FANCA: variants seen among roughly 807,000 people sequenced by gnomAD.
The protein encoded by FANCA is FA complementation group A.
Under a neutral mutation model 194.3 loss-of-function variants are expected in FANCA, and 236 were observed. The ratio of observed to expected loss-of-function variants is 1.21; its 90% CI spans 1.09 to 1.35. The LOEUF (loss-of-function observed/expected upper bound fraction) is 1.35. Ranked by LOEUF, FANCA falls within the 40% of genes most tolerant of loss-of-function variation. The pLI, the probability that FANCA is intolerant of heterozygous loss-of-function variation, is 0.00. For synonymous variants in FANCA, 1,014 were observed against 715.8 expected (o/e 1.42, Z -6.65); for missense variants, 2,628 against 1,813.9 (o/e 1.45, Z -8.15).
intron 3 of FANCA, among the ~76,000 whole-genome samples, chr16:89,812,728 C>T (rs964220143): frequency 6.7e-6 from 1 of 148,364 alleles, no homozygotes; most frequent in Non-Finnish European, 1.5e-5. Flanking sequence ...AACACATTAT[C>T]AATACATAAG....
chr16:89,816,275 G>C (rs529777714), intron 1 of FANCA: 374 of 272,508 alleles, frequency 1.4e-3, no homozygotes, highest in Non-Finnish European at 2.1e-3. Flanking sequence ...AGGCCCGCCT[G>C]ACAGGGCGGC....
In FANCA at chr16:89,792,553, G is replaced by A. The variant is rs770125368; in HGVS notation, c.1007-6C>T. Reference sequence around the variant, plus strand: ...CATCTGAACAGCATCAGATGCTGCAGGGGGAGAAACAGACAAAAACTTCAA... The same window carrying A: ...CATCTGAACAGCATCAGATGCTGCAAGGGGAGAAACAGACAAAAACTTCAA... On this transcript the variant is annotated splice_region_variant and splice_polypyrimidine_tract_variant and intron_variant, in intron 11 of 42. Transcript: ENST00000389301. 12 of 1,612,396 alleles carry A rather than the reference G, an allele frequency of 7.4e-6. No homozygotes were observed. In the African/African-American group the frequency reaches 1.2e-4, roughly 16 times the overall value.
At position 89,752,179 on chromosome 16, in the gene FANCA, CA is replaced by C; in HGVS notation, c.3024del (p.Phe1008LeufsTer18). The C allele has an allele frequency of 6.2e-7, 1 of 1,614,176 alleles. No individual in the cohort carries two copies. Among genetic ancestry groups the C allele is most frequent in the Non-Finnish European group, 8.5e-7 (1 of 1,180,018 alleles). On this transcript the variant is annotated frameshift_variant, in exon 31 of 43. Coordinates refer to ENST00000389301, the MANE Select transcript of FANCA (RefSeq NM_000135.4). LOFTEE classifies it high-confidence loss of function. ...ATATCCTCATTTCCTGTGCGGCCAC[CA>C]AAGACCAAATCAGAATTTTCTGAGT... is the stretch of plus-strand genomic sequence containing the variant. The part of the protein sequence containing the change: ...YDHSENSDLV[F>X]GGRTGNEDII...
intron 3 of FANCA, among the ~76,000 whole-genome samples, chr16:89,812,748 T>C (rs1186796604): frequency 1.3e-5 from 2 of 150,448 alleles, no homozygotes; most frequent in South Asian, 2.1e-4. Flanking sequence ...GTAAAAACAT[T>C]TACAGGCTGG....
At chr16:89,755,026 C>A (rs1212873400) in intron 30 of FANCA, among the ~76,000 whole-genome samples, 1 of 152,164 alleles carries the variant, frequency 6.6e-6, no homozygotes, top group Non-Finnish European at 1.5e-5. Flanking sequence ...TGACGCAGTG[C>A]ATATGGACAT....
chr16:89,815,648 G>A (rs971605189), intron 2 of FANCA, among the ~76,000 whole-genome samples: 2 of 152,062 alleles, frequency 1.3e-5, no homozygotes, highest in Non-Finnish European at 2.9e-5. Flanking sequence ...GAGCCACGGC[G>A]CCCGGCCTGT....
chr16:89,805,294 C>T lies in FANCA; in HGVS notation c.695G>A (p.Arg232Lys), dbSNP rs886052487. ...CATGAACGCACCAGAAAGCATGGCC[C>T]TGGCGACGTCAGCATGCTGGCAGGA... ...EASCQHADVARAMLSDFVQMF... is the reference protein window; with the variant it reads ...EASCQHADVAKAMLSDFVQMF... The change falls in exon 7 of 43, where the codon AGG (arginine) becomes AAG (lysine). Residue 232 changes from arginine to lysine, a missense_variant. Physicochemically the swap from Arg to Lys is conservative, Grantham distance 26. Coordinates refer to ENST00000389301, the MANE Select transcript of FANCA (RefSeq NM_000135.4). 28 of 1,613,656 alleles carry T rather than the reference C, an allele frequency of 1.7e-5. No homozygotes were observed. The highest frequency in any genetic ancestry group is 3.3e-4 in the Middle Eastern group (2 of 6,084).
chr16:89,767,294 A>T (rs2039163490), intron 26 of FANCA, 57 bp from the exon 27 acceptor site: 1 of 1,235,434 alleles, frequency 8.1e-7, no homozygotes, highest in African/African-American at 1.5e-5. Context: ...GGGATGAAGG[A>T]AAAAGTTACT....
At position 89,775,723 on chromosome 16, in the gene FANCA, A is replaced by G; in HGVS notation, c.1900+19T>C. 6.2e-7 allele frequency: 1 copy of G among 1,602,406 alleles called. No individual in the cohort carries two copies. Among genetic ancestry groups the G allele is most frequent in the Non-Finnish European group, 8.5e-7 (1 of 1,172,106 alleles). On this transcript the variant is annotated intron_variant, in intron 21 of 42. Transcript: ENST00000389301. ...GAAAAGCACAAGTCCCAGAGTGGACAAGCGGCCCAGGAACTTACCTTCTGG... is the reference window on the plus strand; with the variant it reads ...GAAAAGCACAAGTCCCAGAGTGGACGAGCGGCCCAGGAACTTACCTTCTGG...
chr16:89,751,806 G>T (rs1393459841), intron 31 of FANCA, among the ~76,000 whole-genome samples: 5 of 149,356 alleles, frequency 3.3e-5, no homozygotes, highest in African/African-American at 1.2e-4. Flanking sequence ...TCACTCTGTC[G>T]CCCGCCCAGG....
chr16:89,782,066 T>C (rs1158830735), intron 17 of FANCA, among the ~76,000 whole-genome samples: 2 of 151,326 alleles, frequency 1.3e-5, no homozygotes, highest in African/African-American at 4.9e-5. Flanking sequence ...CATCTGACAT[T>C]TGGCTGCTAT....
At chr16:89,749,348 G>T (rs2038500800) in intron 32 of FANCA, among the ~76,000 whole-genome samples, 1 of 152,118 alleles carries the variant, frequency 6.6e-6, no homozygotes. Context: ...GAGTAGCTGG[G>T]ATTACAGGTG....
intron 17 of FANCA, among the ~76,000 whole-genome samples, chr16:89,780,207 C>T (rs920376927): frequency 6.6e-6 from 1 of 152,182 alleles, no homozygotes; most frequent in Non-Finnish European, 1.5e-5. Context: ...GATGTGCGGC[C>T]CTCCTCGAGA....
chr16:89,773,796 T>C (rs1192911374), intron 21 of FANCA, among the ~76,000 whole-genome samples: 2 of 148,286 alleles, frequency 1.3e-5, no homozygotes, highest in African/African-American at 5.0e-5. Context: ...TTTTTTGAGA[T>C]GGACTCTTGC....
In FANCA at chr16:89,808,310, G is replaced by A. The variant is rs1384166265; in HGVS notation, c.580C>T (p.Gln194Ter). 3 of 1,613,936 alleles carry A rather than the reference G, an allele frequency of 1.9e-6. No homozygotes were observed. Among genetic ancestry groups the A allele is most frequent in the Non-Finnish European group, 2.5e-6 (3 of 1,179,954 alleles). The change falls in exon 6 of 43, where the codon CAA (glutamine) becomes TAA (stop). Residue 194 changes from glutamine to a stop codon, truncating the protein, a stop_gained. Transcript: ENST00000389301. LOFTEE classifies it high-confidence loss of function. Reference sequence around the variant, plus strand: ...GCACGCTACCTTTCCAGCAGCTCTTGCAGGCTCACAATGCCTTGTACGTGA... The same window carrying A: ...GCACGCTACCTTTCCAGCAGCTCTTACAGGCTCACAATGCCTTGTACGTGA... Reference protein sequence around the residue: ...HLHVQGIVSLQELLESHPDMH... With the variant: ...HLHVQGIVSL
At chr16:89,799,014 C>T (rs901221322) in intron 10 of FANCA, 152 bp downstream of exon 10, 1 of 1,614,222 alleles carries the variant, frequency 6.2e-7, no homozygotes, top group Admixed American at 1.7e-5. Flanking sequence ...CCCATGGTCG[C>T]CTCCTCCTCA....
chr16:89,775,958 CAAAA>C, intron 20 of FANCA, 143 bp from the exon 21 acceptor site: 1 of 410,296 alleles, frequency 2.4e-6, no homozygotes, highest in Non-Finnish European at 4.3e-6. Flanking sequence ...CCTGTTTTTA[CAAAA>C]AAATATTAAA....
Position 89,773,315 on chromosome 16 carries a change from A to G in FANCA, c.1970T>C (p.Leu657Pro). The change falls in exon 22 of 43, where the codon CTG (leucine) becomes CCG (proline). Residue 657 changes from leucine (L) to proline (P), a missense_variant. Leu to Pro is a moderately conservative substitution (Grantham distance 98, BLOSUM62 -3). Coordinates refer to ENST00000389301, the MANE Select transcript of FANCA (RefSeq NM_000135.4). ...EEPLGQLTAA[L>P]GELRASMTDP... ...TGTCATGGAGGCTCTCAGCTCTCCC[A>G]GTGCAGCTGTGAGCTGTCCCAGGGG... is the stretch of plus-strand genomic sequence containing the variant. The G allele has an allele frequency of 6.4e-7, 1 of 1,551,600 alleles. No homozygotes were observed. Among genetic ancestry groups the G allele is most frequent in the Non-Finnish European group, 8.7e-7 (1 of 1,146,982 alleles).
intron 5 of FANCA, among the ~76,000 whole-genome samples, chr16:89,809,557 T>A (rs1007658794): frequency 5.3e-5 from 8 of 151,454 alleles, no homozygotes; most frequent in Non-Finnish European, 1.0e-4. Flanking sequence ...CTACTAAAGA[T>A]ACAAAAATTG....
Sources: gnomAD v4.1 joint callset for allele counts (sites outside exome capture counted in the v4.1 genomes callset) on GRCh38, gnomAD v4.1.1 for gene constraint, MANE v1.5 for transcripts, NCBI Gene and HGNC (gene_info 2026-07-23, HGNC 2026-07-21) for gene names.